Variants in KSR2 observed in about 807,000 individuals in gnomAD.
The protein encoded by KSR2 is kinase suppressor of ras 2.
In KSR2, 25 loss-of-function variants were observed where a neutral mutation model predicts 107.8. That is an observed-to-expected ratio of 0.23 (90% CI 0.17 to 0.32). The LOEUF (loss-of-function observed/expected upper bound fraction) is 0.32. Among genes scored for constraint, KSR2 ranks in the 10% least tolerant of loss-of-function variants. KSR2 has a pLI of 1.00. For missense variants in KSR2, 887 were observed against 1,268.9 expected (o/e 0.70, Z 4.57); for synonymous variants, 480 against 507.0 (o/e 0.95, Z 0.71).
At chr12:117,741,873 T>C (rs996464067) in intron 4 of KSR2, among the ~76,000 whole-genome samples, 1 of 150,856 alleles carries the variant, frequency 6.6e-6, no homozygotes, top group African/African-American at 2.5e-5. Flanking sequence ...CTAAAACTCA[T>C]AGTGAAATTT....
intron 1 of KSR2, among the ~76,000 whole-genome samples, chr12:117,904,631 T>G (rs1894786032): frequency 1.3e-5 from 2 of 152,148 alleles, no homozygotes; most frequent in South Asian, 4.1e-4. Flanking sequence ...TGCTCAATTC[T>G]CCCCATCACC....
At chr12:117,593,623 T>C (rs1465471661) in intron 5 of KSR2, among the ~76,000 whole-genome samples, 2 of 152,338 alleles carry the variant, frequency 1.3e-5, no homozygotes, top group Admixed American at 1.3e-4. Flanking sequence ...TTCTGTCACC[T>C]GACTCTTTCC....
intron 14 of KSR2, among the ~76,000 whole-genome samples, chr12:117,502,045 C>T (rs990787066): frequency 2.6e-5 from 4 of 152,232 alleles, no homozygotes; most frequent in African/African-American, 4.8e-5. Context: ...CCCACTGTCA[C>T]CACACAAGGA....
intron 5 of KSR2, among the ~76,000 whole-genome samples, chr12:117,656,883 G>C (rs1466478681): frequency 2.8e-5 from 4 of 143,888 alleles, no homozygotes; most frequent in Non-Finnish European, 6.0e-5. Flanking sequence ...TTGTGATCAT[G>C]TAAGTTAATA....
At chr12:117,633,371 C>G (rs750156516) in intron 5 of KSR2, among the ~76,000 whole-genome samples, 32 of 152,212 alleles carry the variant, frequency 2.1e-4, no homozygotes, top group Non-Finnish European at 2.5e-4. Flanking sequence ...GCAGAGCCAC[C>G]AGGAACAGGT....
intron 5 of KSR2, among the ~76,000 whole-genome samples, chr12:117,645,526 C>T (rs540286860): frequency 6.6e-6 from 1 of 152,172 alleles, no homozygotes; most frequent in Non-Finnish European, 1.5e-5. Flanking sequence ...ACTATAGACC[C>T]CTGAATCCCA....
At chr12:117,685,531 C>T (rs558414960) in intron 4 of KSR2, among the ~76,000 whole-genome samples, 1 of 152,242 alleles carries the variant, frequency 6.6e-6, no homozygotes, top group Non-Finnish European at 1.5e-5. Flanking sequence ...CTTCCATCAG[C>T]CCAGTAAGTG....
At chr12:117,562,793 C>T (rs527886984) in intron 7 of KSR2, among the ~76,000 whole-genome samples, 60 of 152,282 alleles carry the variant, frequency 3.9e-4, no homozygotes, top group African/African-American at 1.4e-3. Flanking sequence ...ACCGAACACT[C>T]TTCCTTCCAG....
chr12:117,609,454 T>C (rs779531321), intron 5 of KSR2, among the ~76,000 whole-genome samples: 40 of 152,232 alleles, frequency 2.6e-4, no homozygotes, highest in Admixed American at 2.6e-4. Flanking sequence ...GCCACCTGTA[T>C]TTTTTATTTT....
At chr12:117,852,460 G>A (rs1190708681) in intron 3 of KSR2, among the ~76,000 whole-genome samples, 2 of 151,844 alleles carry the variant, frequency 1.3e-5, no homozygotes, top group Admixed American at 1.3e-4. Flanking sequence ...AAAAATCGGA[G>A]CACCAGAACT....
chr12:117,622,530 G>A (rs925796062), intron 5 of KSR2, among the ~76,000 whole-genome samples: 1 of 151,804 alleles, frequency 6.6e-6, no homozygotes, highest in African/African-American at 2.4e-5. Context: ...CCTGTCCCTG[G>A]AAGACAAGGT....
intron 1 of KSR2, among the ~76,000 whole-genome samples, chr12:117,938,175 C>T (rs183095285): frequency 9.2e-5 from 14 of 152,210 alleles, no homozygotes; most frequent in African/African-American, 2.9e-4. Flanking sequence ...ACCAGATCCA[C>T]GACGTGAAGG....
intron 3 of KSR2, among the ~76,000 whole-genome samples, chr12:117,793,228 A>C (rs1439412879): frequency 7.0e-6 from 1 of 143,726 alleles, no homozygotes; most frequent in Non-Finnish European, 1.5e-5. Context: ...TCACACCAAC[A>C]TGCACACACA....
chr12:117,855,683 G>A (rs1393612522), intron 2 of KSR2, 105 bp from the exon 3 acceptor site: 21 of 1,165,324 alleles, frequency 1.8e-5, no homozygotes, highest in East Asian at 1.0e-4. Context: ...CAGTGTAAAC[G>A]CTTTGCATGA....
intron 3 of KSR2, among the ~76,000 whole-genome samples, chr12:117,807,545 G>A (rs1566025306): frequency 6.6e-6 from 1 of 152,174 alleles, no homozygotes; most frequent in Admixed American, 6.5e-5. Flanking sequence ...CAAATTAAAG[G>A]CTCTGAGAAG....
chr12:117,472,998 C>T (rs1196758669), intron 17 of KSR2, among the ~76,000 whole-genome samples: 2 of 152,190 alleles, frequency 1.3e-5, no homozygotes, highest in Non-Finnish European at 2.9e-5. Flanking sequence ...CACACTCATA[C>T]TGCCAACTAC....
At chr12:117,902,357 C>G (rs1894711462) in intron 1 of KSR2, among the ~76,000 whole-genome samples, 1 of 151,886 alleles carries the variant, frequency 6.6e-6, no homozygotes, top group South Asian at 2.1e-4. Flanking sequence ...ACTTGGGACA[C>G]TGAGGCAGGA....
intron 4 of KSR2, among the ~76,000 whole-genome samples, chr12:117,671,097 A>G (rs11068614): frequency 0.05 from 7,578 of 152,204 alleles, 405 homozygotes; most frequent in African/African-American, 0.13. Context: ...CTCTTTGTAT[A>G]TGCTGTCTCC....
chr12:117,886,835 A>G (rs1894191151), intron 1 of KSR2, among the ~76,000 whole-genome samples: 1 of 152,180 alleles, frequency 6.6e-6, no homozygotes, highest in South Asian at 2.1e-4. Flanking sequence ...TTTGCTATGT[A>G]TATTTTATCT....
Sources: gnomAD v4.1 joint callset for allele counts (sites outside exome capture counted in the v4.1 genomes callset) on GRCh38, gnomAD v4.1.1 for gene constraint, MANE v1.5 for transcripts, NCBI Gene and HGNC (gene_info 2026-07-23, HGNC 2026-07-21) for gene names.